The following ATRNL1 variants were observed in gnomAD, a reference collection of about 807,000 sequenced individuals.
ATRNL1 encodes the protein attractin like 1.
ATRNL1 carries 95 observed loss-of-function variants against 182.7 expected under a neutral mutation model. The observed-to-expected ratio is 0.52, with a 90% CI of 0.44 to 0.62. The LOEUF (loss-of-function observed/expected upper bound fraction) is 0.62. Ranked by LOEUF, ATRNL1 falls within the 20% of genes least tolerant of loss-of-function variation. The pLI, the probability that ATRNL1 is intolerant of heterozygous loss-of-function variation, is 0.00. For synonymous variants in ATRNL1, 576 were observed against 568.3 expected (o/e 1.01, Z -0.19); for missense variants, 1,471 against 1,679.5 (o/e 0.88, Z 2.17).
At chr10:115,265,141 CTTAGT>C (rs1851554640) in intron 10 of ATRNL1, 47 bp from the exon 11 acceptor site, 1 of 1,170,924 alleles carries the variant, frequency 8.5e-7, no homozygotes, top group Admixed American at 1.8e-5. Context: ...TATTATTTGT[CTTAGT>C]TTATTCTTTT....
chr10:115,746,592 T>C (rs1555069230), intron 27 of ATRNL1, among the ~76,000 whole-genome samples: 1 of 152,068 alleles, frequency 6.6e-6, no homozygotes, highest in Non-Finnish European at 1.5e-5. Context: ...TTTTATTCAC[T>C]ATAATATATT....
At chr10:115,443,167 ATG>A (rs561985534) in intron 21 of ATRNL1, among the ~76,000 whole-genome samples, 56 of 152,132 alleles carry the variant, frequency 3.7e-4, no homozygotes, top group African/African-American at 1.3e-3. Flanking sequence ...TGATGATTAT[ATG>A]TGTTTAAATT....
rs7078791 is a variant in ATRNL1 at position 115,728,861 on chromosome 10, A to G, written c.3903+1506A>G. ...ATAACAAAAAAGAATGATTAAATGA[A>G]AGTTACAGCAAGTGCTCTAATTTCA... On this transcript the variant is annotated intron_variant, in intron 27 of 28. Transcript: ENST00000355044. Among the ~76,000 whole-genome samples the G allele has an allele frequency of 6.5e-3, 991 of 152,280 alleles. 15 individuals are homozygous for G. Among genetic ancestry groups the G allele is most frequent in the African/African-American group, 0.023 (956 of 41,560 alleles).
chr10:115,514,459 A>G (rs1463226924), intron 24 of ATRNL1, among the ~76,000 whole-genome samples: 1 of 141,268 alleles, frequency 7.1e-6, no homozygotes, highest in Admixed American at 7.1e-5. Context: ...ATTTATTCAA[A>G]TATTCTTTGG....
chr10:115,142,873 A>C (rs1369804601), intron 5 of ATRNL1, among the ~76,000 whole-genome samples: 1 of 152,170 alleles, frequency 6.6e-6, no homozygotes, highest in African/African-American at 2.4e-5. Flanking sequence ...AAAGATGACT[A>C]AGGTTTTTGG....
At chr10:115,662,752 ATT>A (rs1419428136) in intron 26 of ATRNL1, among the ~76,000 whole-genome samples, 12 of 152,282 alleles carry the variant, frequency 7.9e-5, no homozygotes, top group Middle Eastern at 6.8e-3. Context: ...CAAAGGCAGA[ATT>A]ATTAATTTGA....
intron 25 of ATRNL1, among the ~76,000 whole-genome samples, chr10:115,534,640 C>T (rs1387829680): frequency 1.3e-5 from 2 of 151,994 alleles, no homozygotes; most frequent in East Asian, 1.9e-4. Flanking sequence ...TGAATTTGAT[C>T]CTGTCATTAT....
At chr10:115,787,056 G>C (rs1217793095) in intron 27 of ATRNL1, among the ~76,000 whole-genome samples, 3 of 152,050 alleles carry the variant, frequency 2.0e-5, no homozygotes, top group Non-Finnish European at 2.9e-5. Flanking sequence ...AAATATCAAA[G>C]GTTCTTTATC....
intron 5 of ATRNL1, among the ~76,000 whole-genome samples, chr10:115,150,459 G>A (rs1259124864): frequency 6.6e-6 from 1 of 151,514 alleles, no homozygotes; most frequent in East Asian, 1.9e-4. Flanking sequence ...TTTTTGACGT[G>A]GGTACTTATT....
chr10:115,220,681 C>T (rs1362524546), intron 9 of ATRNL1, among the ~76,000 whole-genome samples: 1 of 119,584 alleles, frequency 8.4e-6, no homozygotes, highest in African/African-American at 3.3e-5. Flanking sequence ...AACAAGTGTG[C>T]AGTGTGGGAA....
chr10:115,436,235 G>C (rs1554964815), intron 21 of ATRNL1, among the ~76,000 whole-genome samples: 1 of 151,926 alleles, frequency 6.6e-6, no homozygotes, highest in East Asian at 1.9e-4. Context: ...ATCATTGCAG[G>C]ATAATTGAAA....
chr10:115,268,993 C>T (rs2133889133), intron 13 of ATRNL1, among the ~76,000 whole-genome samples: 1 of 152,258 alleles, frequency 6.6e-6, no homozygotes, highest in African/African-American at 2.4e-5. Context: ...TGTGGAGCTG[C>T]TATTGGCATC....
chr10:115,799,168 T>C (rs1203271471), intron 27 of ATRNL1, among the ~76,000 whole-genome samples: 1 of 152,154 alleles, frequency 6.6e-6, no homozygotes, highest in African/African-American at 2.4e-5. Flanking sequence ...TTTACATTTA[T>C]AATACCTGTC....
chr10:115,881,548 C>T (rs1288222226), intron 28 of ATRNL1, among the ~76,000 whole-genome samples: 1 of 152,164 alleles, frequency 6.6e-6, no homozygotes, highest in East Asian at 1.9e-4. Flanking sequence ...CTCCCTCAAC[C>T]TTTACATTCA....
chr10:115,640,579 T>A (rs1448150032), intron 26 of ATRNL1, among the ~76,000 whole-genome samples: 3 of 152,224 alleles, frequency 2.0e-5, no homozygotes, highest in Non-Finnish European at 4.4e-5. Context: ...TGTGTTCTTT[T>A]GAGAAGTGTC....
chr10:115,727,263 C>T lies in ATRNL1; in HGVS notation c.3811C>T (p.Arg1271Ter). Residue 1271 changes from arginine to a stop codon, truncating the protein, a stop_gained, in exon 27 of 29, where the codon CGA becomes TGA. Transcript: ENST00000355044. LOFTEE classifies it high-confidence loss of function. ...SRRREQLLRE[R>*]QQMASRPFAS... ...CCCCCTCCAGCAACTGCTTCGAGAA[C>T]GACAGCAGATGGCCAGCCGTCCCTT... 2 of 1,613,864 alleles carry T rather than the reference C, an allele frequency of 1.2e-6. No individual in the cohort carries two copies. The highest frequency in any genetic ancestry group is 2.2e-5 in the East Asian group (1 of 44,864).
chr10:115,875,739 T>G (rs1056031469), intron 28 of ATRNL1, among the ~76,000 whole-genome samples: 11 of 152,172 alleles, frequency 7.2e-5, no homozygotes, highest in Admixed American at 2.0e-4. Flanking sequence ...CTTATAGAGC[T>G]TATAGTCTGG....
At chr10:115,573,637 A>G (rs1443417527) in intron 26 of ATRNL1, among the ~76,000 whole-genome samples, 1 of 152,166 alleles carries the variant, frequency 6.6e-6, no homozygotes, top group African/African-American at 2.4e-5. Context: ...TTCAGAGCAG[A>G]AGTCTCAGTG....
chr10:115,402,044 G>A (rs782665252), intron 20 of ATRNL1, among the ~76,000 whole-genome samples: 5 of 152,124 alleles, frequency 3.3e-5, no homozygotes, highest in Non-Finnish European at 5.9e-5. Flanking sequence ...ACAGATGTGT[G>A]TGAGCAGGAT....
Sources: allele counts gnomAD v4.1 joint callset (sites outside exome capture counted in the v4.1 genomes callset), GRCh38; gene constraint gnomAD v4.1.1; transcripts MANE v1.5; gene names NCBI Gene and HGNC (gene_info 2026-07-23, HGNC 2026-07-21).